PDZD7: variants seen among roughly 807,000 people sequenced by gnomAD.
PDZD7 encodes PDZ domain containing 7.
In PDZD7, 72 loss-of-function variants were observed where a neutral mutation model predicts 84.7. That is an observed-to-expected ratio of 0.85 (90% CI 0.70 to 1.03). PDZD7 has a LOEUF of 1.03. Ranked by LOEUF, PDZD7 falls within the 50% of genes least tolerant of loss-of-function variation. The pLI is 0.00. For synonymous variants in PDZD7, 594 were observed against 580.7 expected (o/e 1.02, Z -0.33); for missense variants, 1,490 against 1,412.9 (o/e 1.05, Z -0.87).
At chr10:101,009,805 C>T (rs1410412059) in intron 15 of PDZD7, among the ~76,000 whole-genome samples, 1 of 152,030 alleles carries the variant, frequency 6.6e-6, no homozygotes, top group Admixed American at 6.6e-5. Context: ...CAGGGTTTCT[C>T]CATGTTGGTC....
intron 4 of PDZD7, 104 bp from the exon 5 acceptor site, chr10:101,022,489 G>A: frequency 7.1e-7 from 1 of 1,406,726 alleles, no homozygotes; most frequent in African/African-American, 1.4e-5. Context: ...GTTGCCTTTG[G>A]GGGACTCCCC....
chr10:101,027,745 C>T (rs1455540358), intron 2 of PDZD7, among the ~76,000 whole-genome samples: 1 of 152,222 alleles, frequency 6.6e-6, no homozygotes, highest in African/African-American at 2.4e-5. Flanking sequence ...TGTCTCTTTT[C>T]ACTAGACCAT....
intron 4 of PDZD7, chr10:101,023,099 G>A (rs11190796): frequency 1.1e-5 from 1 of 92,966 alleles, no homozygotes; most frequent in Non-Finnish European, 1.8e-5. Context: ...TTTTTTTTTA[G>A]AGAAGGGGTC....
chr10:101,029,969 G>C, intron 2 of PDZD7, 25 bp downstream of exon 2: 27 of 1,571,730 alleles, frequency 1.7e-5, no homozygotes, highest in Non-Finnish European at 2.3e-5. Context: ...CCCAACCCAG[G>C]CCAGTGGCTG....
At position 101,024,088 on chromosome 10, in the gene PDZD7, G is replaced by C. The variant is rs934983198; in HGVS notation, c.227-20C>G. The C allele has an allele frequency of 2.5e-6, 4 of 1,614,222 alleles. No individual in the cohort carries two copies. Among genetic ancestry groups the C allele is most frequent in the Non-Finnish European group, 3.4e-6 (4 of 1,180,044 alleles). On this transcript the variant is annotated intron_variant, in intron 2 of 16. Coordinates refer to ENST00000619208, the MANE Select transcript of PDZD7 (RefSeq NM_001195263.2). ...TGTTGGCTGTGAGGACAGGGATTTA[G>C]GGATGCCCCCATGTTCATTGTGGGC...
Position 101,008,400 on chromosome 10 carries a change from G to C in PDZD7, c.*67C>G, listed in dbSNP as rs1852286151. 1 of 1,412,064 alleles carries C rather than the reference G, an allele frequency of 7.1e-7. No individual in the cohort carries two copies. Among genetic ancestry groups the C allele is most frequent in the Non-Finnish European group, 9.4e-7 (1 of 1,066,892 alleles). 87.5% of individuals were successfully genotyped at this position (1,412,064 alleles called of 1,614,324 possible). A position where few individuals can be genotyped will look rare whatever the true frequency, so the allele number is the denominator to read the frequency against. Reference sequence around the variant, plus strand: ...GGAGCTGGAGAGTCCTGAAGAAGTTGGTAGGAGAGGTCCTGGGGATAACGG... The same window carrying C: ...GGAGCTGGAGAGTCCTGAAGAAGTTCGTAGGAGAGGTCCTGGGGATAACGG... On this transcript the variant is annotated 3_prime_UTR_variant, in exon 17 of 17. Coordinates refer to ENST00000619208, the MANE Select transcript of PDZD7 (RefSeq NM_001195263.2).
At chr10:101,017,853 A>AAG (rs1272145696) in intron 9 of PDZD7, 13 of 367,920 alleles carry the variant, frequency 3.5e-5, no homozygotes, top group Middle Eastern at 7.0e-4. Flanking sequence ...GAAAGAAAGA[A>AAG]AGAAAGAAAG....
At chr10:101,021,607 G>A (rs1395074004) in intron 6 of PDZD7, among the ~76,000 whole-genome samples, 191 bp downstream of exon 6, 1 of 152,212 alleles carries the variant, frequency 6.6e-6, no homozygotes, top group Non-Finnish European at 1.5e-5. Flanking sequence ...CTGAGTAAGT[G>A]ACCTGTTCGT....
chr10:101,008,479 T>G lies in PDZD7; in HGVS notation c.3090A>C (p.Pro1030=), dbSNP rs1211425977. ...QTPDSKPAPS[P]RIP ...GTTAGGGGGAGGGTCATGGGATGCG[T>G]GGGGAGGGTGCGGGCTTAGAATCAG... The change falls in exon 17 of 17, where the codon CCA becomes CCC. Residue 1030 remains proline (P), a synonymous_variant. Transcript: ENST00000619208. 1 of 1,471,610 alleles carries G rather than the reference T, an allele frequency of 6.8e-7. No homozygotes were observed. 91.2% of individuals were successfully genotyped at this position (1,471,610 alleles called of 1,614,324 possible).
rs1346789720 is a variant in PDZD7 at position 101,017,888 on chromosome 10, AAAGAAAAG to A, written c.1522+203_1522+210del. The A allele has an allele frequency of 2.5e-3, 488 of 197,704 alleles. 2 individuals carry two copies. Among genetic ancestry groups the A allele is most frequent in the East Asian group, 4.1e-3 (93 of 22,536 alleles). 12.2% of individuals were successfully genotyped at this position (197,704 alleles called of 1,614,324 possible). A position where few individuals can be genotyped will look rare whatever the true frequency, so the allele number is the denominator to read the frequency against. On this transcript the variant is annotated intron_variant, in intron 9 of 16. Transcript: ENST00000619208. ...GAAAGAAAGAAAGAAAGAAAGAAAG[AAAGAAAAG>A]AAAGAAAGAAAGAAAGAAAAGAAAG... is the stretch of plus-strand genomic sequence containing the variant.
At chr10:101,017,724 C>A in intron 9 of PDZD7, 1 of 642,094 alleles carries the variant, frequency 1.6e-6, no homozygotes, top group South Asian at 1.7e-5. Flanking sequence ...AGGCGCAGGT[C>A]GCAGTGAGCT....
At chr10:101,013,523 A>G (rs1312170185) in intron 11 of PDZD7, among the ~76,000 whole-genome samples, 1 of 152,222 alleles carries the variant, frequency 6.6e-6, no homozygotes, top group Non-Finnish European at 1.5e-5. Flanking sequence ...GAACAGCACA[A>G]AAGTTGGGAA....
intron 11 of PDZD7, among the ~76,000 whole-genome samples, chr10:101,014,065 G>T (rs1249065234): frequency 1.3e-5 from 2 of 150,654 alleles, no homozygotes; most frequent in African/African-American, 4.9e-5. Context: ...CACCATGTTG[G>T]ACAGGCTGGT....
At position 101,008,351 on chromosome 10, in the gene PDZD7, C is replaced by T. The variant is rs918328770; in HGVS notation, c.*116G>A. 5.7e-6 allele frequency: 6 copies of T among 1,050,026 alleles called. No individual in the cohort carries two copies. Among genetic ancestry groups the T allele is most frequent in the Non-Finnish European group, 8.1e-6 (6 of 744,820 alleles). 65.0% of individuals were successfully genotyped at this position (1,050,026 alleles called of 1,614,324 possible). A position where few individuals can be genotyped will look rare whatever the true frequency, so the allele number is the denominator to read the frequency against. Reference sequence around the variant, plus strand: ...GGAAAGATGTGAGCCACCAGTGTGGCACTGGGAGGAGGCAGGGTGGGCAGG... The same window carrying T: ...GGAAAGATGTGAGCCACCAGTGTGGTACTGGGAGGAGGCAGGGTGGGCAGG... On this transcript the variant is annotated 3_prime_UTR_variant, in exon 17 of 17. Coordinates refer to ENST00000619208, the MANE Select transcript of PDZD7 (RefSeq NM_001195263.2).
intron 15 of PDZD7, among the ~76,000 whole-genome samples, chr10:101,009,731 C>T (rs1041113138): frequency 6.6e-6 from 1 of 151,594 alleles, no homozygotes; most frequent in African/African-American, 2.4e-5. Context: ...CCTCACCCTC[C>T]CTAGTAGCTG....
rs1853127598 is a variant in PDZD7 at position 101,021,902 on chromosome 10, C to T, written c.763G>A (p.Gly255Arg). 6 of 1,614,162 alleles carry T rather than the reference C, an allele frequency of 3.7e-6. No homozygotes were observed. Among genetic ancestry groups the T allele is most frequent in the South Asian group, 1.1e-5 (1 of 91,086 alleles). ...GLAEENGIKV[G>R]DQVLAANGVR... Reference sequence around the variant, plus strand: ...CCGTTGGCTGCCAGGACCTGGTCCCCCACCTTGATGCCATTCTCCTCGGCC... The same window carrying T: ...CCGTTGGCTGCCAGGACCTGGTCCCTCACCTTGATGCCATTCTCCTCGGCC... The change falls in exon 6 of 17, where the codon GGG becomes AGG. Residue 255 changes from glycine (G) to arginine (R), a missense_variant. Coordinates refer to ENST00000619208, the MANE Select transcript of PDZD7 (RefSeq NM_001195263.2).
intron 2 of PDZD7, among the ~76,000 whole-genome samples, chr10:101,029,113 G>A (rs955287132): frequency 6.6e-6 from 1 of 152,226 alleles, no homozygotes; most frequent in African/African-American, 2.4e-5. Flanking sequence ...CTCAGACTCA[G>A]GGGGCCTGGC....
At chr10:101,008,966 G>T in intron 16 of PDZD7, 116 bp from the exon 17 acceptor site, 1 of 1,300,092 alleles carries the variant, frequency 7.7e-7, no homozygotes, top group Non-Finnish European at 1.0e-6. Context: ...CCCCCATCTG[G>T]GTGGAGGGGA....
chr10:101,010,185 G>T, intron 15 of PDZD7, 87 bp downstream of exon 15: 1 of 1,429,648 alleles, frequency 7.0e-7, no homozygotes, highest in African/African-American at 1.4e-5. Flanking sequence ...GTGAGCCTCT[G>T]CGCCTGGCCC....
Sources: gnomAD v4.1 joint callset for allele counts (sites outside exome capture counted in the v4.1 genomes callset) on GRCh38, gnomAD v4.1.1 for gene constraint, MANE v1.5 for transcripts, NCBI Gene and HGNC (gene_info 2026-07-23, HGNC 2026-07-21) for gene names.